TRPC6: variants seen among roughly 807,000 people sequenced by gnomAD.
The protein encoded by TRPC6 is transient receptor potential cation channel subfamily C member 6, also known as short transient receptor potential channel 6.
TRPC6 carries 55 observed loss-of-function variants against 90.7 expected under a neutral mutation model. That is an observed-to-expected ratio of 0.61 (90% CI 0.49 to 0.76). TRPC6 has a LOEUF of 0.76. TRPC6 is among the 30% of genes least tolerant of loss of function. The pLI is 0.00. For synonymous variants in TRPC6, 393 were observed against 393.0 expected (o/e 1.00, Z 0.00); for missense variants, 989 against 1,122.7 (o/e 0.88, Z 1.70).
rs1368104488 is a variant in TRPC6 at position 101,491,620 on chromosome 11, C to T, written c.1064G>A (p.Ser355Asn). 2.5e-6 allele frequency: 4 copies of T among 1,613,988 alleles called. No homozygotes were observed. The highest frequency in any genetic ancestry group is 2.2e-5 in the East Asian group (1 of 44,856). The part of the protein sequence containing the change: ...ILNGDVETLQ[S>N]GDHGRPNLSR... ...GAGATTTGGGCGACCGTGATCACCA[C>T]TCTGGAGCGTTTCAACATCCCCATT... Residue 355 changes from serine to asparagine, a missense_variant, in exon 3 of 13, where the codon AGT becomes AAT. Around this residue, in one of 4 missense-constraint regions of TRPC6, gnomAD observed 486 missense variants for 591.9 expected, o/e 0.82. Transcript: ENST00000344327.
chr11:101,504,200 C>G lies in TRPC6; in HGVS notation c.769G>C (p.Asp257His). 1 of 1,614,140 alleles carries G rather than the reference C, an allele frequency of 6.2e-7. No individual in the cohort carries two copies. Among genetic ancestry groups the G allele is most frequent in the Non-Finnish European group, 8.5e-7 (1 of 1,180,000 alleles). ...RPHDYFCKCNDCNQKQKHDSF... is the reference protein window; with the variant it reads ...RPHDYFCKCNHCNQKQKHDSF... ...TCATGCTTCTGTTTCTGGTTGCAGT[C>G]ATTGCACTTGCAGAAATAATCATGA... Residue 257 changes from aspartate (D) to histidine (H), a missense_variant, in exon 2 of 13, where the codon GAC (aspartate) becomes CAC (histidine). Asp to His is a moderately conservative substitution (Grantham distance 81, BLOSUM62 -1). Transcript: ENST00000344327.
At chr11:101,526,214 T>C (rs1318832550) in intron 1 of TRPC6, among the ~76,000 whole-genome samples, 2 of 152,188 alleles carry the variant, frequency 1.3e-5, no homozygotes, top group African/African-American at 4.8e-5. Context: ...ATAGGCATGA[T>C]GCAGACCCCT....
intron 10 of TRPC6, among the ~76,000 whole-genome samples, chr11:101,467,162 CA>C (rs1859168964): frequency 6.6e-6 from 1 of 152,164 alleles, no homozygotes; most frequent in African/African-American, 2.4e-5. Flanking sequence ...GCCATCTTGC[CA>C]GCAATCCTGT....
intron 1 of TRPC6, among the ~76,000 whole-genome samples, chr11:101,562,677 C>T (rs1046230775): frequency 6.6e-6 from 1 of 152,098 alleles, no homozygotes; most frequent in Non-Finnish European, 1.5e-5. Flanking sequence ...TGCCTTTGTC[C>T]TTCTTTCTGA....
chr11:101,580,361 A>T (rs1362042332), intron 1 of TRPC6, among the ~76,000 whole-genome samples: 1 of 152,230 alleles, frequency 6.6e-6, no homozygotes, highest in Non-Finnish European at 1.5e-5. Flanking sequence ...ACCATTACAA[A>T]TTGATCACAA....
At chr11:101,490,683 T>G (rs1225065543) in intron 3 of TRPC6, among the ~76,000 whole-genome samples, 1 of 152,208 alleles carries the variant, frequency 6.6e-6, no homozygotes, top group Non-Finnish European at 1.5e-5. Flanking sequence ...CTCCAACTCC[T>G]GACCTCAAGT....
In TRPC6 at chr11:101,452,409, T is replaced by G. The variant is rs1858783886; in HGVS notation, c.*546A>C. 2.6e-5 allele frequency: 4 copies of G among 155,102 alleles called. No individual in the cohort carries two copies. The highest frequency in any genetic ancestry group is 5.7e-5 in the Non-Finnish European group (4 of 69,812). The allele number at this position is 155,102 out of a possible 1,614,324, so 9.6% of individuals were successfully genotyped here. On this transcript the variant is annotated 3_prime_UTR_variant, in exon 13 of 13. Coordinates refer to ENST00000344327, the MANE Select transcript of TRPC6 (RefSeq NM_004621.6). The stretch of plus-strand genomic sequence containing the variant: ...ATTTTACATAGATGTAAGACCATTT[T>G]GTATGAACGGTATCAATCATGTGCA...
At chr11:101,468,178 C>T (rs1039677411) in intron 10 of TRPC6, among the ~76,000 whole-genome samples, 5 of 152,120 alleles carry the variant, frequency 3.3e-5, no homozygotes, top group Admixed American at 2.6e-4. Flanking sequence ...CTCTCATCCA[C>T]ATGTTACCTC....
intron 1 of TRPC6, among the ~76,000 whole-genome samples, chr11:101,518,207 A>C (rs1298516091): frequency 6.6e-6 from 1 of 152,136 alleles, no homozygotes; most frequent in East Asian, 1.9e-4. Flanking sequence ...CTTTTAAAGT[A>C]ATCTCTCTTC....
chr11:101,565,482 A>C (rs1861808028), intron 1 of TRPC6, among the ~76,000 whole-genome samples: 1 of 152,084 alleles, frequency 6.6e-6, no homozygotes, highest in African/African-American at 2.4e-5. Flanking sequence ...TTAAGATAAA[A>C]ATAAAATTCT....
At chr11:101,484,436 A>G (rs889300361) in intron 4 of TRPC6, among the ~76,000 whole-genome samples, 48 of 152,168 alleles carry the variant, frequency 3.2e-4, no homozygotes, top group African/African-American at 1.1e-3. Flanking sequence ...GAAGGAACAC[A>G]ATCGGTGTTC....
At position 101,458,375 on chromosome 11, in the gene TRPC6, C is replaced by A. The variant is rs372067268; in HGVS notation, c.2485-3274G>T. The stretch of plus-strand genomic sequence containing the variant: ...GCATTCAGATGAGCATTATAACCTC[C>A]TAAGCTCTACCCTACATGGTTTAAA... On this transcript the variant is annotated intron_variant, in intron 10 of 12. Transcript: ENST00000344327. 1.8e-4 allele frequency among the ~76,000 whole-genome samples: 27 copies of A among 152,306 alleles called. 1 individual carries two copies. In the East Asian group the frequency reaches 4.4e-3, roughly 25 times the overall value.
intron 1 of TRPC6, among the ~76,000 whole-genome samples, chr11:101,535,123 A>AC (rs1185029579): frequency 2.0e-5 from 3 of 151,238 alleles, no homozygotes; most frequent in Non-Finnish European, 4.4e-5. Flanking sequence ...CCAAGGTCAC[A>AC]CCACTGTACT....
chr11:101,502,069 A>G (rs973306348), intron 2 of TRPC6, among the ~76,000 whole-genome samples: 1 of 152,182 alleles, frequency 6.6e-6, no homozygotes, highest in Admixed American at 6.5e-5. Context: ...GGAAGCACAA[A>G]TGGGCGGAAA....
At chr11:101,560,357 G>A (rs1387763462) in intron 1 of TRPC6, among the ~76,000 whole-genome samples, 2 of 151,644 alleles carry the variant, frequency 1.3e-5, no homozygotes, top group South Asian at 2.1e-4. Context: ...GCAACAACTG[G>A]TCAGGGTTGA....
At chr11:101,572,538 G>A (rs988389210) in intron 1 of TRPC6, among the ~76,000 whole-genome samples, 1 of 152,110 alleles carries the variant, frequency 6.6e-6, no homozygotes, top group Non-Finnish European at 1.5e-5. Context: ...AAATCATTCT[G>A]CTATAAAGAC....
intron 1 of TRPC6, among the ~76,000 whole-genome samples, chr11:101,570,987 C>T (rs1386058916): frequency 1.3e-5 from 2 of 152,120 alleles, no homozygotes; most frequent in Non-Finnish European, 2.9e-5. Context: ...TCTCACCACT[C>T]CTATTCAACA....
chr11:101,455,129 A>T, intron 10 of TRPC6, 28 bp from the exon 11 acceptor site: 1 of 1,558,926 alleles, frequency 6.4e-7, no homozygotes, highest in East Asian at 2.3e-5. Flanking sequence ...TTAGAAATGG[A>T]TTCCTACTTA....
chr11:101,562,962 A>G (rs1261534595), intron 1 of TRPC6, among the ~76,000 whole-genome samples: 1 of 152,210 alleles, frequency 6.6e-6, no homozygotes, highest in African/African-American at 2.4e-5. Flanking sequence ...TGCCTGGCAG[A>G]TAGTATGTTC....
Sources: gnomAD v4.1 joint callset for allele counts (sites outside exome capture counted in the v4.1 genomes callset) on GRCh38, gnomAD v4.1.1 for gene constraint, gnomAD v4.1.1 regional missense constraint, MANE v1.5 for transcripts, NCBI Gene and HGNC (gene_info 2026-07-23, HGNC 2026-07-21) for gene names.